The following ARHGAP24 variants were observed in gnomAD, a reference collection of about 807,000 sequenced individuals.
ARHGAP24 encodes the protein rho GTPase-activating protein 24.
ARHGAP24 carries 50 observed loss-of-function variants against 76.4 expected under a neutral mutation model. The observed-to-expected ratio is 0.65, with a 90% CI of 0.52 to 0.83. The LOEUF is 0.83. ARHGAP24 is among the 40% of genes least tolerant of loss of function. ARHGAP24 has a pLI of 0.00. For synonymous variants in ARHGAP24, 345 were observed against 323.3 expected, an observed-to-expected ratio of 1.07 and a Z score of -0.72; for missense variants, 930 against 914.2, an observed-to-expected ratio of 1.02 and a Z score of -0.22.
chr4:85,611,258 CT>C (rs1444898273), intron 2 of ARHGAP24, among the ~76,000 whole-genome samples: 3 of 152,000 alleles, frequency 2.0e-5, no homozygotes, highest in Non-Finnish European at 4.4e-5. Flanking sequence ...ATAAAAAAAC[CT>C]TTGCTTCCTA....
intron 3 of ARHGAP24, among the ~76,000 whole-genome samples, chr4:85,755,831 C>A (rs1726470507): frequency 6.6e-6 from 1 of 151,828 alleles, no homozygotes; most frequent in Admixed American, 6.6e-5. Context: ...CGGGGTTTCA[C>A]CATGTTGGTC....
intron 3 of ARHGAP24, among the ~76,000 whole-genome samples, chr4:85,813,818 T>TTATATA (rs35261368): frequency 0.033 from 4,456 of 137,024 alleles, 98 homozygotes; most frequent in Non-Finnish European, 0.049. Context: ...TATATTTATT[T>TTATATA]TATATATATA....
chr4:85,968,269 G>A (rs13118404), intron 5 of ARHGAP24, among the ~76,000 whole-genome samples: 31,829 of 151,964 alleles, frequency 0.21, 3,594 homozygotes, highest in South Asian at 0.39. Flanking sequence ...CTACTCATTG[G>A]CCTTCAGTGA....
At chr4:85,506,045 T>C (rs1474666691) in intron 1 of ARHGAP24, among the ~76,000 whole-genome samples, 1 of 152,234 alleles carries the variant, frequency 6.6e-6, no homozygotes, top group East Asian at 1.9e-4. Context: ...CTGGGTATCA[T>C]CAGTGGAGGC....
intron 3 of ARHGAP24, among the ~76,000 whole-genome samples, chr4:85,816,524 G>C (rs1378439924): frequency 6.6e-6 from 1 of 152,102 alleles, no homozygotes; most frequent in Non-Finnish European, 1.5e-5. Flanking sequence ...AATAAAGAAA[G>C]TTTCCTCAAG....
At chr4:85,672,170 C>A (rs1030124663) in intron 2 of ARHGAP24, among the ~76,000 whole-genome samples, 33 of 151,980 alleles carry the variant, frequency 2.2e-4, no homozygotes, top group Non-Finnish European at 4.9e-4. Flanking sequence ...AATACTTAGC[C>A]CTGTACATAA....
intron 2 of ARHGAP24, among the ~76,000 whole-genome samples, chr4:85,708,630 A>C (rs922325927): frequency 6.6e-6 from 1 of 152,172 alleles, no homozygotes; most frequent in African/African-American, 2.4e-5. Context: ...TTCCTGCTCT[A>C]TTCCATCACG....
intron 1 of ARHGAP24, among the ~76,000 whole-genome samples, chr4:85,566,486 A>G (rs750853302): frequency 2.0e-5 from 3 of 152,190 alleles, no homozygotes; most frequent in Non-Finnish European, 2.9e-5. Flanking sequence ...GAAGTCTTCT[A>G]TGTCAAAGGA....
intron 3 of ARHGAP24, among the ~76,000 whole-genome samples, chr4:85,898,677 A>T (rs1578362048): frequency 6.6e-6 from 1 of 152,218 alleles, no homozygotes; most frequent in East Asian, 1.9e-4. Context: ...TCTCTTAAGA[A>T]AATAAAAACA....
chr4:85,666,042 C>T (rs911595130), intron 2 of ARHGAP24, among the ~76,000 whole-genome samples: 1 of 152,152 alleles, frequency 6.6e-6, no homozygotes, highest in African/African-American at 2.4e-5. Flanking sequence ...CTCTGTATTT[C>T]CTGAATCTGA....
chr4:85,960,515 T>A (rs970925450), intron 5 of ARHGAP24, among the ~76,000 whole-genome samples: 37 of 152,168 alleles, frequency 2.4e-4, no homozygotes, highest in African/African-American at 8.9e-4. Context: ...TTTGTGAATC[T>A]TAATTATCTT....
intron 2 of ARHGAP24, among the ~76,000 whole-genome samples, chr4:85,631,071 A>G (rs750160026): frequency 1.3e-5 from 2 of 152,118 alleles, no homozygotes; most frequent in African/African-American, 2.4e-5. Context: ...AGAGAAAAAG[A>G]GAGAGTAAGT....
intron 2 of ARHGAP24, 138 bp downstream of exon 2, chr4:85,570,859 C>T (rs1166126752): frequency 4.0e-6 from 4 of 1,001,324 alleles, no homozygotes; most frequent in Non-Finnish European, 5.9e-6. Flanking sequence ...CACCCTTTTA[C>T]CCATTGCTTG....
At chr4:85,883,538 G>A (rs1390669241) in intron 3 of ARHGAP24, among the ~76,000 whole-genome samples, 1 of 152,136 alleles carries the variant, frequency 6.6e-6, no homozygotes, top group Non-Finnish European at 1.5e-5. Context: ...TGCATGTGCA[G>A]GGGGTAGAGT....
At chr4:85,529,593 G>A (rs76920796) in intron 1 of ARHGAP24, among the ~76,000 whole-genome samples, 1 of 151,930 alleles carries the variant, frequency 6.6e-6, no homozygotes, top group South Asian at 2.1e-4. Context: ...CAAACTGTTG[G>A]GTATTGTAGG....
rs187527194 is a variant in ARHGAP24, at chr4:85,965,414, G to A, written c.600-6622G>A. Among the ~76,000 whole-genome samples the A allele has an allele frequency of 1.9e-3, 287 of 152,162 alleles. 3 individuals are homozygous for A. Among genetic ancestry groups the A allele is most frequent in the East Asian group, 7.7e-4 (4 of 5,172 alleles). ...AGCTACAAGATGAGATTTGAGTGGG[G>A]ACACAGAGCCAAATCATATCAGGCA... On this transcript the variant is annotated intron_variant, in intron 5 of 9. Coordinates refer to ENST00000395184, the MANE Select transcript of ARHGAP24 (RefSeq NM_001025616.3).
intron 3 of ARHGAP24, among the ~76,000 whole-genome samples, chr4:85,873,475 G>A (rs945227485): frequency 6.6e-6 from 1 of 152,018 alleles, no homozygotes; most frequent in Non-Finnish European, 1.5e-5. Context: ...CAGGGCTTTC[G>A]TGCAGTGCAG....
At chr4:85,761,444 C>T (rs1406417524) in intron 3 of ARHGAP24, among the ~76,000 whole-genome samples, 1 of 152,144 alleles carries the variant, frequency 6.6e-6, no homozygotes, top group Admixed American at 6.5e-5. Flanking sequence ...CTTTACTGGC[C>T]TTTGGTTTAT....
At chr4:85,498,811 A>C (rs114602108) in intron 1 of ARHGAP24, among the ~76,000 whole-genome samples, 376 of 152,372 alleles carry the variant, frequency 2.5e-3, no homozygotes, top group African/African-American at 8.6e-3. Flanking sequence ...TAGTAAATTA[A>C]ATGTAGCTGT....
Sources: allele counts gnomAD v4.1 joint callset (sites outside exome capture counted in the v4.1 genomes callset), GRCh38; gene constraint gnomAD v4.1.1; transcripts MANE v1.5; gene names NCBI Gene and HGNC (gene_info 2026-07-23, HGNC 2026-07-21).